Variants in GTF2F1 observed in about 807,000 individuals in gnomAD.
GTF2F1 encodes general transcription factor IIF 74 kDa subunit.
A neutral mutation model predicts 63.5 loss-of-function variants in GTF2F1; 39 were observed. That is an observed-to-expected ratio of 0.61 (90% CI 0.48 to 0.80). GTF2F1 has a LOEUF of 0.80. GTF2F1 is among the 30% of genes least tolerant of loss of function. The pLI, the probability that GTF2F1 is intolerant of heterozygous loss-of-function variation, is 0.00. For missense variants in GTF2F1, 657 were observed against 718.3 expected (o/e 0.91, Z 0.97); for synonymous variants, 287 against 285.3 (o/e 1.01, Z -0.06).
At position 6,381,810 on chromosome 19, in the gene GTF2F1, G is replaced by C. The variant is rs1194959798; in HGVS notation, c.723C>G (p.Ala241=). The change falls in exon 7 of 13, where the codon GCC becomes GCG. Residue 241 remains alanine (A), a synonymous_variant. Transcript: ENST00000394456. The surrounding 1 kb of genome is among the most constrained non-coding windows in gnomAD (Gnocchi z 4.1). ...VPKAKKKAPL[A]KGGRKKKKKK... ...TCTTCTTCTTTTTCCTGCCGCCCTT[G>C]GCCAGCGGCGCCTTCTTCTTGGCCT... 1 of 1,613,502 alleles carries C rather than the reference G, an allele frequency of 6.2e-7. No homozygotes were observed. Among genetic ancestry groups the C allele is most frequent in the Non-Finnish European group, 8.5e-7 (1 of 1,179,948 alleles).
chr19:6,386,866 T>C (rs193277794), intron 5 of GTF2F1: 307 of 157,340 alleles, frequency 2.0e-3, no homozygotes, highest in Non-Finnish European at 3.2e-3. Context: ...GCAAGCACCC[T>C]AGGGTGGTGG....
At position 6,383,272 on chromosome 19, in the gene GTF2F1, G is replaced by A. The variant is rs1568329810; in HGVS notation, c.682+39C>T. The A allele has an allele frequency of 2.5e-6, 4 of 1,597,840 alleles. No homozygotes were observed. The highest frequency in any genetic ancestry group is 2.6e-6 in the Non-Finnish European group (3 of 1,168,086). Reference sequence around the variant, plus strand: ...TGCCTTCACTGGCACTGCCTGAGCAGGCACCTCTGTGACCTAATGCCCAGG... The same window carrying A: ...TGCCTTCACTGGCACTGCCTGAGCAAGCACCTCTGTGACCTAATGCCCAGG... On this transcript the variant is annotated intron_variant, in intron 6 of 12. Transcript: ENST00000394456. The surrounding 1 kb of genome is among the most constrained non-coding windows in gnomAD (Gnocchi z 4.5).
Position 6,381,471 on chromosome 19 carries a change from A to G in GTF2F1, c.906T>C (p.Asp302=). The G allele has an allele frequency of 1.9e-6, 3 of 1,607,882 alleles. No individual in the cohort carries two copies. Among genetic ancestry groups the G allele is most frequent in the Non-Finnish European group, 2.5e-6 (3 of 1,179,344 alleles). Residue 302 remains aspartate (D), a synonymous_variant, in exon 9 of 13, where the codon GAT becomes GAC. Transcript: ENST00000394456. The surrounding 1 kb of genome is among the most constrained non-coding windows in gnomAD (Gnocchi z 4.1). ...PQQEEGPKGV[D]EQSDSSEESE... is the part of the protein sequence containing the mutation. ...TCTCCTCACTACTGTCGCTCTGCTC[A>G]TCGACACCTGGGAGGGGCAGGGTAT... is the stretch of plus-strand genomic sequence containing the variant.
rs779009101 is a variant in GTF2F1 at position 6,380,732 on chromosome 19, C to A, written c.1232-42G>T. 9.3e-5 allele frequency: 149 copies of A among 1,593,646 alleles called. No individual in the cohort carries two copies. The highest frequency in any genetic ancestry group is 1.2e-4 in the Non-Finnish European group (145 of 1,171,060). On this transcript the variant is annotated intron_variant, in intron 11 of 12. Transcript: ENST00000394456. This position sits in a 1 kb window ranked among gnomAD's most constrained non-coding sequence, Gnocchi z 5.3. ...AGGGCTGAGTCTTGCAGGCAGGAGGCAGAACCCCTGGGCAGGACCCCAGGC... is the reference window on the plus strand; with the variant it reads ...AGGGCTGAGTCTTGCAGGCAGGAGGAAGAACCCCTGGGCAGGACCCCAGGC...
In GTF2F1 at chr19:6,383,404, G is replaced by A. The variant is rs750871501; in HGVS notation, c.589C>T (p.Arg197Cys). ...QDEDEEEKEKRGRRKASELRI... is the reference protein window; with the variant it reads ...QDEDEEEKEKCGRRKASELRI... ...AGCTCGCTCGCCTTCCTGCGGCCAC[G>A]TTTCTCCTTCTCCTCCTCATCCTCG... is the stretch of plus-strand genomic sequence containing the variant. Residue 197 changes from arginine to cysteine, a missense_variant, in exon 6 of 13, where the codon CGT (arginine) becomes TGT (cysteine). Arg to Cys is a radical substitution (Grantham distance 180). Coordinates refer to ENST00000394456, the MANE Select transcript of GTF2F1 (RefSeq NM_002096.3). This position sits in a 1 kb window ranked among gnomAD's most constrained non-coding sequence, Gnocchi z 4.5. The A allele has an allele frequency of 2.3e-5, 37 of 1,614,086 alleles. No individual in the cohort carries two copies. The highest frequency in any genetic ancestry group is 4.5e-5 in the East Asian group (2 of 44,900).
chr19:6,391,439 G>GTTT (rs11340944), intron 3 of GTF2F1, among the ~76,000 whole-genome samples: 46 of 87,450 alleles, frequency 5.3e-4, no homozygotes, highest in East Asian at 1.6e-3. Context: ...TGCCATTTCC[G>GTTT]TTTTTTTTTT....
Position 6,380,443 on chromosome 19 carries a change from T to C in GTF2F1, c.1392A>G (p.Thr464=). Residue 464 remains threonine, a synonymous_variant, in exon 13 of 13, where the codon ACA becomes ACG. Transcript: ENST00000394456. This position sits in a 1 kb window ranked among gnomAD's most constrained non-coding sequence, Gnocchi z 5.3. The part of the protein sequence containing the change: ...VTEDAVRRYL[T]RKPMTTKDLL... Reference sequence around the variant, plus strand: ...GGTCCTTAGTGGTCATGGGCTTCCGTGTCAGGTAGCGGCGCACGGCATCCT... The same window carrying C: ...GGTCCTTAGTGGTCATGGGCTTCCGCGTCAGGTAGCGGCGCACGGCATCCT... 6.2e-7 allele frequency: 1 copy of C among 1,614,070 alleles called. No individual in the cohort carries two copies. The highest frequency in any genetic ancestry group is 8.5e-7 in the Non-Finnish European group (1 of 1,180,002).
At chr19:6,389,079 A>T (rs2091985315) in intron 4 of GTF2F1, among the ~76,000 whole-genome samples, 1 of 151,998 alleles carries the variant, frequency 6.6e-6, no homozygotes, top group Non-Finnish European at 1.5e-5. Context: ...CTAAAAATAC[A>T]AAAATTAGCT....
intron 2 of GTF2F1, 73 bp downstream of exon 2, chr19:6,392,784 C>A: frequency 1.4e-6 from 2 of 1,455,606 alleles, no homozygotes; most frequent in Non-Finnish European, 1.9e-6. Flanking sequence ...CCAGAAATGG[C>A]TGGCTAAGAA....
In GTF2F1 at chr19:6,381,887, G is replaced by A. The variant is rs555665253; in HGVS notation, c.683-37C>T. 43 of 1,532,772 alleles carry A rather than the reference G, an allele frequency of 2.8e-5. No homozygotes were observed. In the Admixed American group the frequency reaches 6.8e-4, roughly 24 times the overall value. The allele number at this position is 1,532,772 out of a possible 1,614,324, so 94.9% of individuals were successfully genotyped here. A position where few individuals can be genotyped will look rare whatever the true frequency, so the allele number is the denominator to read the frequency against. ...GGAAAGGAAGGAAAGGAGGGAAAGT[G>A]AGGAGGAAGGCAGTGGGTATTTATT... is the stretch of plus-strand genomic sequence containing the variant. On this transcript the variant is annotated intron_variant, in intron 6 of 12. Transcript: ENST00000394456. The surrounding 1 kb of genome is among the most constrained non-coding windows in gnomAD (Gnocchi z 4.1).
chr19:6,393,106 C>T lies in GTF2F1; in HGVS notation c.-111G>A. The T allele has an allele frequency of 1.4e-6, 2 of 1,435,886 alleles. No individual in the cohort carries two copies. Among genetic ancestry groups the T allele is most frequent in the Non-Finnish European group, 9.7e-7 (1 of 1,026,232 alleles). 88.9% of individuals were successfully genotyped at this position (1,435,886 alleles called of 1,614,324 possible). On this transcript the variant is annotated 5_prime_UTR_variant, in exon 1 of 13. Transcript: ENST00000394456. ...CGCCGCTCGGTGTCGGGTCTCTGTG[C>T]CTGAGCGAGGACCCCAACCCTAGGC...
chr19:6,383,254 A>G lies in GTF2F1; in HGVS notation c.682+57T>C, dbSNP rs2091960500. ...GTGAGCGATGGTAGACTTTGCCTTC[A>G]CTGGCACTGCCTGAGCAGGCACCTC... On this transcript the variant is annotated intron_variant, in intron 6 of 12. Coordinates refer to ENST00000394456, the MANE Select transcript of GTF2F1 (RefSeq NM_002096.3). The surrounding 1 kb of genome is among the most constrained non-coding windows in gnomAD (Gnocchi z 4.5). 4.5e-6 allele frequency: 7 copies of G among 1,563,738 alleles called. No homozygotes were observed. In the Admixed American group the frequency reaches 1.0e-4, roughly 22 times the overall value.
chr19:6,387,623 C>G (rs967451560), intron 4 of GTF2F1, 64 bp from the exon 5 acceptor site: 11 of 1,346,914 alleles, frequency 8.2e-6, no homozygotes, highest in African/African-American at 5.7e-5. Flanking sequence ...CGTGTCCCCC[C>G]GGGGCCTGCC....
In GTF2F1 at chr19:6,383,403, C is replaced by T. The variant is rs368947114; in HGVS notation, c.590G>A (p.Arg197His). ...CAGCTCGCTCGCCTTCCTGCGGCCA[C>T]GTTTCTCCTTCTCCTCCTCATCCTC... ...QDEDEEEKEK[R>H]GRRKASELRI... is the part of the protein sequence containing the mutation. The change falls in exon 6 of 13, where the codon CGT (arginine) becomes CAT (histidine). Residue 197 changes from arginine to histidine, a missense_variant. Arg to His is a conservative substitution (Grantham distance 29, BLOSUM62 0). Around this residue, in one of 2 missense-constraint regions of GTF2F1, gnomAD observed 602 missense variants for 625.6 expected, o/e 0.96. Transcript: ENST00000394456. The surrounding 1 kb of genome is among the most constrained non-coding windows in gnomAD (Gnocchi z 4.5). 33 of 1,614,114 alleles carry T rather than the reference C, an allele frequency of 2.0e-5. No individual in the cohort carries two copies. The highest frequency in any genetic ancestry group is 5.3e-5 in the African/African-American group (4 of 74,960).
Position 6,381,520 on chromosome 19 carries a change from C to A in GTF2F1, c.898+34G>T. The A allele has an allele frequency of 6.2e-7, 1 of 1,610,378 alleles. No homozygotes were observed. The highest frequency in any genetic ancestry group is 8.5e-7 in the Non-Finnish European group (1 of 1,179,860). On this transcript the variant is annotated intron_variant, in intron 8 of 12. Coordinates refer to ENST00000394456, the MANE Select transcript of GTF2F1 (RefSeq NM_002096.3). This position sits in a 1 kb window ranked among gnomAD's most constrained non-coding sequence, Gnocchi z 4.1. ...ATGAGCAAGAGCAGGGAAGCACCGC[C>A]CCCATCTCCCCGGCCCGCCCAGCCA...
In GTF2F1 at chr19:6,381,913, G is replaced by A; in HGVS notation, c.683-63C>T. 2 of 1,406,892 alleles carry A rather than the reference G, an allele frequency of 1.4e-6. No individual in the cohort carries two copies. The highest frequency in any genetic ancestry group is 2.0e-6 in the Non-Finnish European group (2 of 1,013,304). The allele number at this position is 1,406,892 out of a possible 1,614,324, so 87.2% of individuals were successfully genotyped here. On this transcript the variant is annotated intron_variant, in intron 6 of 12. Coordinates refer to ENST00000394456, the MANE Select transcript of GTF2F1 (RefSeq NM_002096.3). The surrounding 1 kb of genome is among the most constrained non-coding windows in gnomAD (Gnocchi z 4.1). ...AGGAGGAAGGCAGTGGGTATTTATTGTGTTTTTCACATTTTGTGCAGTTTT... is the reference window on the plus strand; with the variant it reads ...AGGAGGAAGGCAGTGGGTATTTATTATGTTTTTCACATTTTGTGCAGTTTT...
In GTF2F1 at chr19:6,383,812, T is replaced by C. The variant is rs954317808; in HGVS notation, c.498-317A>G. Among the ~76,000 whole-genome samples the C allele has an allele frequency of 1.3e-5, 2 of 152,158 alleles. No individual in the cohort carries two copies. The highest frequency in any genetic ancestry group is 2.4e-5 in the African/African-American group (1 of 41,442). On this transcript the variant is annotated intron_variant, in intron 5 of 12. Coordinates refer to ENST00000394456, the MANE Select transcript of GTF2F1 (RefSeq NM_002096.3). The surrounding 1 kb of genome is among the most constrained non-coding windows in gnomAD (Gnocchi z 4.5). Reference sequence around the variant, plus strand: ...ATTTTTTATTATTATTTTTTTATTTTCTGAGACAGAGTATCGCTCTGTCGC... The same window carrying C: ...ATTTTTTATTATTATTTTTTTATTTCCTGAGACAGAGTATCGCTCTGTCGC...
At chr19:6,384,635 A>G (rs1056094903) in intron 5 of GTF2F1, among the ~76,000 whole-genome samples, 1 of 151,862 alleles carries the variant, frequency 6.6e-6, no homozygotes, top group Non-Finnish European at 1.5e-5. Context: ...GCCATGCACC[A>G]AAAAACAGTG....
In GTF2F1 at chr19:6,381,320, C is replaced by T. The variant is rs116028568; in HGVS notation, c.1018+39G>A. 1.3e-3 allele frequency: 1,993 copies of T among 1,547,246 alleles called. 18 individuals are homozygous for T. In the African/African-American group the frequency reaches 0.023, roughly 18 times the overall value. On this transcript the variant is annotated intron_variant, in intron 9 of 12. Transcript: ENST00000394456. The surrounding 1 kb of genome is among the most constrained non-coding windows in gnomAD (Gnocchi z 4.1). ...GAGGAGGTGGCAGGGCGCCAGGGCC[C>T]GACCCAAGCCTCCAATATGGGGGCC...
Sources: allele counts gnomAD v4.1 joint callset (sites outside exome capture counted in the v4.1 genomes callset), GRCh38; gene constraint gnomAD v4.1.1; regional missense constraint gnomAD v4.1.1; non-coding constraint Gnocchi (gnomAD v3.1); transcripts MANE v1.5; gene names NCBI Gene and HGNC (gene_info 2026-07-23, HGNC 2026-07-21).